The following LYST variants were observed in gnomAD, a reference collection of about 807,000 sequenced individuals.
LYST encodes the protein lysosomal trafficking regulator.
A neutral mutation model predicts 413.6 loss-of-function variants in LYST; 192 were observed. The observed-to-expected ratio is 0.46, with a 90% CI of 0.41 to 0.52. The LOEUF (loss-of-function observed/expected upper bound fraction) is 0.52, where lower values mean the gene tolerates loss of function less well. Ranked by LOEUF, LYST falls within the 20% of genes least tolerant of loss-of-function variation. The pLI is 0.00. For synonymous variants in LYST, 1,525 were observed against 1,567.3 expected, an observed-to-expected ratio of 0.97 and a Z score of 0.64; for missense variants, 3,815 against 4,499.9, an observed-to-expected ratio of 0.85 and a Z score of 4.35.
intron 50 of LYST, among the ~76,000 whole-genome samples, chr1:235,672,044 G>A (rs2103025142): frequency 6.6e-6 from 1 of 152,280 alleles, no homozygotes; most frequent in African/African-American, 2.4e-5. Flanking sequence ...GATATAAGGA[G>A]AAAGAAGGAG....
chr1:235,744,672 C>T (rs1415692700), intron 29 of LYST, among the ~76,000 whole-genome samples: 1 of 151,486 alleles, frequency 6.6e-6, no homozygotes, highest in African/African-American at 2.4e-5. Context: ...GGTGAAAGCA[C>T]ACAGATCACC....
At chr1:235,699,649 G>C (rs2103093060) in intron 45 of LYST, among the ~76,000 whole-genome samples, 1 of 152,268 alleles carries the variant, frequency 6.6e-6, no homozygotes, top group East Asian at 1.9e-4. Context: ...TTGAGGAATT[G>C]CCACACTGTC....
chr1:235,771,056 C>G (rs1668616763), intron 19 of LYST, among the ~76,000 whole-genome samples: 1 of 152,174 alleles, frequency 6.6e-6, no homozygotes, highest in South Asian at 2.1e-4. Flanking sequence ...TTTCTCCTGC[C>G]ATTATCTGGC....
chr1:235,772,963 C>T (rs1431998280), intron 19 of LYST, among the ~76,000 whole-genome samples: 1 of 152,178 alleles, frequency 6.6e-6, no homozygotes, highest in Non-Finnish European at 1.5e-5. Context: ...TTATAATTAA[C>T]ATTACAATGA....
intron 20 of LYST, 45 bp from the exon 21 acceptor site, chr1:235,766,322 A>G (rs767438292): frequency 1.6e-5 from 23 of 1,439,742 alleles, no homozygotes; most frequent in Non-Finnish European, 2.1e-5. Flanking sequence ...AGAATTGTCA[A>G]CTTAACTAAG....
intron 4 of LYST, among the ~76,000 whole-genome samples, chr1:235,812,340 T>C (rs890894293): frequency 1.8e-4 from 27 of 151,704 alleles, no homozygotes; most frequent in African/African-American, 6.3e-4. Flanking sequence ...CCCATCTGTA[T>C]GTACTAAAAT....
chr1:235,664,636 T>A lies in LYST; in HGVS notation c.11039-15A>T. The A allele has an allele frequency of 6.2e-7, 1 of 1,614,018 alleles. No individual in the cohort carries two copies. Among genetic ancestry groups the A allele is most frequent in the Non-Finnish European group, 8.5e-7 (1 of 1,179,974 alleles). ...GCCTCCGCCAGCTAAAACACCCAAA[T>A]CATCCGGCGGGTTACCAGAATGTGG... On this transcript the variant is annotated splice_polypyrimidine_tract_variant and intron_variant, in intron 50 of 52. Transcript: ENST00000389793. The surrounding 1 kb of genome is among the most constrained non-coding windows in gnomAD (Gnocchi z 4.5).
At chr1:235,880,629 T>A (rs1477314966) in intron 1 of LYST, among the ~76,000 whole-genome samples, 1 of 152,190 alleles carries the variant, frequency 6.6e-6, no homozygotes, top group Non-Finnish European at 1.5e-5. Context: ...CCAAGAGTAT[T>A]TTTTCTATTC....
chr1:235,781,800 T>C, intron 15 of LYST, 127 bp downstream of exon 15: 1 of 686,934 alleles, frequency 1.5e-6, no homozygotes, highest in Non-Finnish European at 2.6e-6. Context: ...ATGGATATTT[T>C]AGCCAGGTTA....
chr1:235,766,963 G>C (rs1668208038), intron 20 of LYST, among the ~76,000 whole-genome samples: 1 of 151,918 alleles, frequency 6.6e-6, no homozygotes. Flanking sequence ...CTCATTTCTA[G>C]AATATGAGGC....
intron 10 of LYST, among the ~76,000 whole-genome samples, chr1:235,797,516 G>C (rs1049480561): frequency 6.6e-6 from 1 of 152,098 alleles, no homozygotes; most frequent in East Asian, 1.9e-4. Context: ...CCATTCAATG[G>C]GGGAGGGACA....
At chr1:235,786,442 T>C (rs894522717) in intron 14 of LYST, among the ~76,000 whole-genome samples, 2 of 152,300 alleles carry the variant, frequency 1.3e-5, no homozygotes, top group African/African-American at 2.4e-5. Context: ...CACTTTTACA[T>C]TGTTGGTGGG....
chr1:235,738,804 C>T (rs369600279), intron 31 of LYST: 17 of 854,912 alleles, frequency 2.0e-5, no homozygotes, highest in Non-Finnish European at 3.3e-5. Context: ...GAATCTTAGG[C>T]GGGTGCACCC....
At chr1:235,853,837 C>T (rs1268565176) in intron 1 of LYST, among the ~76,000 whole-genome samples, 1 of 152,122 alleles carries the variant, frequency 6.6e-6, no homozygotes, top group Non-Finnish European at 1.5e-5. Context: ...ACGCACCAAA[C>T]TTAAGCCTTT....
At position 235,707,873 on chromosome 1, in the gene LYST, T is replaced by TG. The variant is rs994078029; in HGVS notation, c.10143+1217dup. 1.3e-4 allele frequency among the ~76,000 whole-genome samples: 19 copies of TG among 151,924 alleles called. No homozygotes were observed. In the South Asian group the frequency reaches 1.7e-3, roughly 13 times the overall value. ...ATTGTTTTGGATTTCAGGGTTTTTT[T>TG]GGGGGGGGATTTTGGAATATTAGCA... is the stretch of plus-strand genomic sequence containing the variant. On this transcript the variant is annotated intron_variant, in intron 44 of 52. Transcript: ENST00000389793.
chr1:235,723,253 A>G (rs1327310811), intron 39 of LYST, among the ~76,000 whole-genome samples: 2 of 152,210 alleles, frequency 1.3e-5, no homozygotes, highest in Non-Finnish European at 2.9e-5. Flanking sequence ...TCAATTAGTG[A>G]CTTCTAAATG....
At chr1:235,688,770 G>A (rs1259502413) in intron 47 of LYST, among the ~76,000 whole-genome samples, 2 of 151,922 alleles carry the variant, frequency 1.3e-5, no homozygotes, top group East Asian at 1.9e-4. Context: ...GGATCATGAG[G>A]TCAGGAGATC....
At position 235,854,333 on chromosome 1, in the gene LYST, A is replaced by G. The variant is rs1406074692; in HGVS notation, c.-98+12510T>C. Among the ~76,000 whole-genome samples, 1 of 152,250 alleles carries G rather than the reference A, an allele frequency of 6.6e-6. No individual in the cohort carries two copies. Among genetic ancestry groups the G allele is most frequent in the Non-Finnish European group, 1.5e-5 (1 of 68,052 alleles). On this transcript the variant is annotated intron_variant, in intron 1 of 52. Coordinates refer to ENST00000389793, the MANE Select transcript of LYST (RefSeq NM_000081.4). The surrounding 1 kb of genome is among the most constrained non-coding windows in gnomAD (Gnocchi z 4.1). Reference sequence around the variant, plus strand: ...CACAGAGTTACTAAGTGTCAGGGCCAGGATTCAGACTCATGCAATCCCTTT... The same window carrying G: ...CACAGAGTTACTAAGTGTCAGGGCCGGGATTCAGACTCATGCAATCCCTTT...
At chr1:235,760,376 G>A (rs1469112784) in intron 22 of LYST, among the ~76,000 whole-genome samples, 2 of 152,162 alleles carry the variant, frequency 1.3e-5, no homozygotes. Context: ...GCCCTAGACA[G>A]TTCTCTCTCT....
Sources: allele counts gnomAD v4.1 joint callset (sites outside exome capture counted in the v4.1 genomes callset), GRCh38; gene constraint gnomAD v4.1.1; non-coding constraint Gnocchi (gnomAD v3.1); transcripts MANE v1.5; gene names NCBI Gene and HGNC (gene_info 2026-07-23, HGNC 2026-07-21).